The following TBC1D22A variants were observed in gnomAD, a reference collection of about 807,000 sequenced individuals.
The protein encoded by TBC1D22A is putative GTPase activator.
A neutral mutation model predicts 60.2 loss-of-function variants in TBC1D22A; 38 were observed. The observed-to-expected ratio is 0.63, with a 90% CI of 0.49 to 0.83. The LOEUF (loss-of-function observed/expected upper bound fraction) is 0.83, where lower values mean the gene tolerates loss of function less well. Among genes scored for constraint, TBC1D22A ranks in the 40% least tolerant of loss-of-function variants. The pLI, the probability that TBC1D22A is intolerant of heterozygous loss-of-function variation, is 0.00. For missense variants in TBC1D22A, 628 were observed against 701.0 expected (o/e 0.90, Z 1.18); for synonymous variants, 302 against 281.7 (o/e 1.07, Z -0.72).
At chr22:47,151,368 C>A (rs2067494375) in intron 12 of TBC1D22A, among the ~76,000 whole-genome samples, 1 of 152,214 alleles carries the variant, frequency 6.6e-6, no homozygotes, top group Non-Finnish European at 1.5e-5. Flanking sequence ...CTCCTGCCCT[C>A]CCAGGCAGCA....
chr22:47,046,159 G>GC (rs142209729), intron 11 of TBC1D22A, among the ~76,000 whole-genome samples: 2,428 of 152,258 alleles, frequency 0.016, 31 homozygotes, highest in Non-Finnish European at 0.024. Flanking sequence ...CAAAGGCCTT[G>GC]CCCCACAAGG....
At chr22:47,019,871 C>T (rs2062024364) in intron 10 of TBC1D22A, among the ~76,000 whole-genome samples, 1 of 150,906 alleles carries the variant, frequency 6.6e-6, no homozygotes, top group African/African-American at 2.4e-5. Context: ...TCCTTCCCCT[C>T]TCCCTTAACC....
At chr22:47,122,778 T>C (rs905294919) in intron 12 of TBC1D22A, among the ~76,000 whole-genome samples, 2 of 152,142 alleles carry the variant, frequency 1.3e-5, no homozygotes, top group Admixed American at 1.3e-4. Context: ...GAGGCATCCC[T>C]CCTCACCCGT....
At chr22:46,908,055 G>A (rs1327069954) in intron 7 of TBC1D22A, among the ~76,000 whole-genome samples, 1 of 152,232 alleles carries the variant, frequency 6.6e-6, no homozygotes, top group African/African-American at 2.4e-5. Context: ...ATGCTCAGGA[G>A]TGCATTGTCT....
At chr22:46,800,836 G>C (rs953989285) in intron 4 of TBC1D22A, among the ~76,000 whole-genome samples, 1 of 152,174 alleles carries the variant, frequency 6.6e-6, no homozygotes, top group African/African-American at 2.4e-5. Context: ...GACGAGTCAA[G>C]GACTTACAGA....
intron 4 of TBC1D22A, among the ~76,000 whole-genome samples, chr22:46,807,832 G>A (rs1243875681): frequency 1.3e-5 from 2 of 152,188 alleles, no homozygotes; most frequent in Non-Finnish European, 2.9e-5. Flanking sequence ...GCCAGGTGAA[G>A]TAGCTCATAC....
chr22:46,904,398 G>A (rs115906210), intron 7 of TBC1D22A, among the ~76,000 whole-genome samples: 3,712 of 151,986 alleles, frequency 0.024, 151 homozygotes, highest in African/African-American at 0.085. Context: ...GGTAACCCTC[G>A]GCAATACCAT....
intron 12 of TBC1D22A, among the ~76,000 whole-genome samples, chr22:47,158,867 G>A (rs1279439881): frequency 6.6e-6 from 1 of 151,836 alleles, no homozygotes; most frequent in African/African-American, 2.4e-5. Context: ...GCAGGCGCAG[G>A]TCCCCTCCCC....
intron 4 of TBC1D22A, among the ~76,000 whole-genome samples, chr22:46,801,821 G>C (rs994193198): frequency 6.6e-6 from 1 of 152,262 alleles, no homozygotes; most frequent in African/African-American, 2.4e-5. Context: ...TGACCATCCA[G>C]TCTAGGCTTT....
At chr22:47,054,373 A>C (rs1402599007) in intron 11 of TBC1D22A, among the ~76,000 whole-genome samples, 6 of 152,128 alleles carry the variant, frequency 3.9e-5, no homozygotes, top group Non-Finnish European at 7.4e-5. Context: ...GCCTCGAGGC[A>C]CCACTCGAGG....
At chr22:46,938,364 T>G (rs1002076454) in intron 8 of TBC1D22A, among the ~76,000 whole-genome samples, 1 of 152,208 alleles carries the variant, frequency 6.6e-6, no homozygotes, top group Non-Finnish European at 1.5e-5. Context: ...CTATACCATA[T>G]AGCCTAGGTG....
At position 46,797,617 on chromosome 22, in the gene TBC1D22A, C is replaced by T. The variant is rs2084714492; in HGVS notation, c.634C>T (p.Leu212Phe). 2 of 1,605,198 alleles carry T rather than the reference C, an allele frequency of 1.2e-6. No homozygotes were observed. The highest frequency in any genetic ancestry group is 2.7e-5 in the African/African-American group (2 of 74,546). ...KQLLAGPNTD[L>F]EELRRLSWSG... ...GCTGCTTGCCGGCCCCAACACGGAC[C>T]TTGGTAAGCACCCTGCCCTCTGGAG... is the stretch of plus-strand genomic sequence containing the variant. The change falls in exon 4 of 13, where the codon CTT (leucine) becomes TTT (phenylalanine). Residue 212 changes from leucine (L) to phenylalanine (F), a missense_variant. Transcript: ENST00000337137.
chr22:46,948,313 T>C (rs136068), intron 8 of TBC1D22A, among the ~76,000 whole-genome samples: 65,498 of 152,084 alleles, frequency 0.43, 14,803 homozygotes, highest in African/African-American at 0.57. Flanking sequence ...AGCAAGACTT[T>C]GTTAAAGAAA....
intron 1 of TBC1D22A, among the ~76,000 whole-genome samples, chr22:46,782,739 C>T (rs1428966345): frequency 1.3e-5 from 2 of 152,148 alleles, no homozygotes; most frequent in Non-Finnish European, 1.5e-5. Context: ...ATACAGTATG[C>T]GGCCTTTTGC....
chr22:46,765,994 TGTGTGTG>T, intron 1 of TBC1D22A, among the ~76,000 whole-genome samples: 1 of 139,704 alleles, frequency 7.2e-6, no homozygotes, highest in Admixed American at 7.4e-5. Flanking sequence ...TGTGTGTGTG[TGTGTGTG>T]TGTGTATTTT....
intron 12 of TBC1D22A, among the ~76,000 whole-genome samples, chr22:47,123,158 G>A (rs368670274): frequency 2.0e-4 from 30 of 152,156 alleles, no homozygotes; most frequent in African/African-American, 7.0e-4. Flanking sequence ...GGGTGGAATC[G>A]CTTTGCTTTA....
At chr22:46,886,496 C>T (rs1011926765) in intron 5 of TBC1D22A, among the ~76,000 whole-genome samples, 10 of 152,324 alleles carry the variant, frequency 6.6e-5, no homozygotes, top group East Asian at 5.8e-4. Flanking sequence ...GACCCGATGC[C>T]CTTTCTGCCA....
chr22:47,118,389 A>G (rs1045648049), intron 12 of TBC1D22A, among the ~76,000 whole-genome samples: 1 of 152,250 alleles, frequency 6.6e-6, no homozygotes, highest in Non-Finnish European at 1.5e-5. Context: ...AAGCATTTGG[A>G]TGTTAAAGAA....
At chr22:46,865,658 C>T (rs1388426608) in intron 4 of TBC1D22A, among the ~76,000 whole-genome samples, 1 of 152,236 alleles carries the variant, frequency 6.6e-6, no homozygotes, top group African/African-American at 2.4e-5. Context: ...ATCCAGATTC[C>T]CCTGCACAGG....
Sources: allele counts gnomAD v4.1 joint callset (sites outside exome capture counted in the v4.1 genomes callset), GRCh38; gene constraint gnomAD v4.1.1; transcripts MANE v1.5; gene names NCBI Gene and HGNC (gene_info 2026-07-23, HGNC 2026-07-21).